The following GABBR2 variants were observed in gnomAD, a reference collection of about 807,000 sequenced individuals.
GABBR2 encodes the protein gamma-aminobutyric acid type B receptor subunit 2.
GABBR2 carries 23 observed loss-of-function variants against 105.6 expected under a neutral mutation model. The observed-to-expected ratio is 0.22, with a 90% CI of 0.16 to 0.31. The LOEUF (loss-of-function observed/expected upper bound fraction) is 0.31, where lower values mean the gene tolerates loss of function less well. Among genes scored for constraint, GABBR2 ranks in the 10% least tolerant of loss-of-function variants. GABBR2 has a pLI of 1.00. For synonymous variants in GABBR2, 478 were observed against 499.7 expected (o/e 0.96, Z 0.58); for missense variants, 734 against 1,245.5 (o/e 0.59, Z 6.18).
At chr9:98,353,146 G>A (rs566411265) in intron 13 of GABBR2, among the ~76,000 whole-genome samples, 1 of 152,230 alleles carries the variant, frequency 6.6e-6, no homozygotes, top group East Asian at 1.9e-4. Flanking sequence ...ATCTGTGATG[G>A]GAATGCGGAC....
rs117171783 is a variant in GABBR2, at chr9:98,565,861, G to A, written c.459+12074C>T. Among the ~76,000 whole-genome samples the A allele has an allele frequency of 1.7e-4, 26 of 152,306 alleles. No homozygotes were observed. In the East Asian group the frequency reaches 2.7e-3, roughly 16 times the overall value. ...GTATTATTGGTATGTTGGCTCTCTGGCCCTCCATTTGCCCATCTGCACAGG... is the reference window on the plus strand; with the variant it reads ...GTATTATTGGTATGTTGGCTCTCTGACCCTCCATTTGCCCATCTGCACAGG... On this transcript the variant is annotated intron_variant, in intron 2 of 18. Transcript: ENST00000259455.
chr9:98,463,572 GCTCTCC>G, intron 6 of GABBR2, among the ~76,000 whole-genome samples: 1 of 150,990 alleles, frequency 6.6e-6, no homozygotes, highest in Non-Finnish European at 1.5e-5. Flanking sequence ...TAGAAACAGA[GCTCTCC>G]CTCTCCCTCG....
intron 1 of GABBR2, among the ~76,000 whole-genome samples, chr9:98,614,794 GGA>G (rs982304861): frequency 3.4e-5 from 5 of 148,374 alleles, no homozygotes; most frequent in African/African-American, 1.2e-4. Context: ...AGGGAGGGAG[GGA>G]GAGAGACAGA....
intron 1 of GABBR2, among the ~76,000 whole-genome samples, chr9:98,643,945 G>T (rs1829999701): frequency 6.6e-6 from 1 of 152,102 alleles, no homozygotes; most frequent in African/African-American, 2.4e-5. Flanking sequence ...AAGCCTCCGG[G>T]GGCTAGCCTT....
chr9:98,596,992 G>A (rs1044458466), intron 1 of GABBR2, among the ~76,000 whole-genome samples: 16 of 152,072 alleles, frequency 1.1e-4, no homozygotes, highest in African/African-American at 3.6e-4. Flanking sequence ...GGGCTGACTC[G>A]CCTTCCCTAG....
intron 1 of GABBR2, among the ~76,000 whole-genome samples, chr9:98,630,133 C>T (rs1009268928): frequency 3.3e-5 from 5 of 152,112 alleles, no homozygotes; most frequent in African/African-American, 9.7e-5. Context: ...CTCTGCATGG[C>T]TCTTCTATTA....
At chr9:98,377,018 G>A (rs76615749) in intron 11 of GABBR2, among the ~76,000 whole-genome samples, 4,936 of 152,298 alleles carry the variant, frequency 0.032, 271 homozygotes, top group African/African-American at 0.11. Context: ...ATCACAGGCC[G>A]AAATTCAGCT....
At chr9:98,586,921 A>G (rs538218611) in intron 1 of GABBR2, among the ~76,000 whole-genome samples, 1 of 152,332 alleles carries the variant, frequency 6.6e-6, no homozygotes, top group East Asian at 1.9e-4. Context: ...ATATTTGCAT[A>G]CGCGCCTCCT....
chr9:98,455,711 A>G (rs1246877043), intron 6 of GABBR2, among the ~76,000 whole-genome samples: 1 of 152,192 alleles, frequency 6.6e-6, no homozygotes, highest in Non-Finnish European at 1.5e-5. Context: ...AAGGTGGTGG[A>G]GCTGGGCCAT....
At chr9:98,588,758 G>A (rs187701777) in intron 1 of GABBR2, among the ~76,000 whole-genome samples, 22 of 152,184 alleles carry the variant, frequency 1.4e-4, no homozygotes, top group African/African-American at 5.3e-4. Context: ...CGACAATTAG[G>A]TGTGACCACC....
chr9:98,539,112 C>A (rs1294033679), intron 3 of GABBR2, among the ~76,000 whole-genome samples: 1 of 152,230 alleles, frequency 6.6e-6, no homozygotes, highest in East Asian at 1.9e-4. Flanking sequence ...GGACACACAG[C>A]AACAGCCTGA....
At chr9:98,415,051 TCTC>T (rs1272484196) in intron 7 of GABBR2, among the ~76,000 whole-genome samples, 1 of 152,074 alleles carries the variant, frequency 6.6e-6, no homozygotes, top group African/African-American at 2.4e-5. Context: ...TAGTGTTATT[TCTC>T]CTAATACTAT....
intron 13 of GABBR2, among the ~76,000 whole-genome samples, chr9:98,320,090 C>T (rs983883488): frequency 9.2e-5 from 14 of 151,882 alleles, no homozygotes; most frequent in African/African-American, 2.7e-4. Context: ...TGACAAAGGG[C>T]TAATATCCAG....
chr9:98,465,049 C>G (rs1006915558), intron 6 of GABBR2, among the ~76,000 whole-genome samples: 8 of 144,822 alleles, frequency 5.5e-5, no homozygotes, highest in African/African-American at 1.8e-4. Context: ...TGCTGACCTT[C>G]TCTCCACTAT....
In GABBR2 at chr9:98,393,909, C is replaced by G. The variant is rs143093490; in HGVS notation, c.1378+266G>C. ...GAAGATAGACCTAAATTTAGCAGGG[C>G]TACATTTAAAAAGAATTACTCCTGG... On this transcript the variant is annotated intron_variant, in intron 9 of 18. Coordinates refer to ENST00000259455, the MANE Select transcript of GABBR2 (RefSeq NM_005458.8). Among the ~76,000 whole-genome samples, 31 of 152,306 alleles carry G rather than the reference C, an allele frequency of 2.0e-4. 1 individual carries two copies. The highest frequency in any genetic ancestry group is 7.0e-4 in the African/African-American group (29 of 41,570).
At chr9:98,553,220 G>GAC (rs35005847) in intron 2 of GABBR2, among the ~76,000 whole-genome samples, 53,661 of 151,662 alleles carry the variant, frequency 0.35, 9,847 homozygotes, top group Middle Eastern at 0.52. Context: ...TTGTAAGGGA[G>GAC]ACATTAGTGC....
At chr9:98,704,861 A>G (rs1199182807) in intron 1 of GABBR2, among the ~76,000 whole-genome samples, 1 of 152,058 alleles carries the variant, frequency 6.6e-6, no homozygotes, top group Non-Finnish European at 1.5e-5. Flanking sequence ...AGACAGGAAG[A>G]TCACTTGAGC....
chr9:98,526,793 T>G (rs1270038937), intron 3 of GABBR2, among the ~76,000 whole-genome samples: 1 of 152,036 alleles, frequency 6.6e-6, no homozygotes, highest in Non-Finnish European at 1.5e-5. Context: ...CACTAATAGA[T>G]CAAAGTAAAA....
At position 98,458,549 on chromosome 9, in the gene GABBR2, C is replaced by T. The variant is rs534488247; in HGVS notation, c.1000-4332G>A. ...CAAAACCCCATCTCTACTAAAAATACAAAAAGTTAGCTGCGCGTGGTGGCA... is the reference window on the plus strand; with the variant it reads ...CAAAACCCCATCTCTACTAAAAATATAAAAAGTTAGCTGCGCGTGGTGGCA... On this transcript the variant is annotated intron_variant, in intron 6 of 18. Transcript: ENST00000259455. Among the ~76,000 whole-genome samples, 8 of 152,260 alleles carry T rather than the reference C, an allele frequency of 5.3e-5. No homozygotes were observed. The East Asian group carries it at 1.2e-3, about 22-fold the overall frequency.
Sources: gnomAD v4.1 joint callset for allele counts (sites outside exome capture counted in the v4.1 genomes callset) on GRCh38, gnomAD v4.1.1 for gene constraint, MANE v1.5 for transcripts, NCBI Gene and HGNC (gene_info 2026-07-23, HGNC 2026-07-21) for gene names.